The following BRME1 variants were observed in gnomAD, a reference collection of about 807,000 sequenced individuals.
BRME1 encodes the protein break repair meiotic recombinase recruitment factor 1.
Under a neutral mutation model 52.6 loss-of-function variants are expected in BRME1, and 31 were observed. The ratio of observed to expected loss-of-function variants is 0.59; its 90% CI spans 0.44 to 0.80. The LOEUF is 0.80. Ranked by LOEUF, BRME1 falls within the 30% of genes least tolerant of loss-of-function variation. The pLI is 0.00. For synonymous variants in BRME1, 359 were observed against 353.6 expected (o/e 1.02, Z -0.17); for missense variants, 804 against 860.3 (o/e 0.93, Z 0.82).
chr19:13,891,246 T>A (rs1263361299), intron 5 of BRME1, among the ~76,000 whole-genome samples: 1 of 150,382 alleles, frequency 6.6e-6, no homozygotes, highest in South Asian at 2.1e-4. Context: ...ACCTCCCGGG[T>A]TCACGCAATT....
chr19:13,886,796 C>CAA (rs61412091), intron 6 of BRME1, among the ~76,000 whole-genome samples: 32,230 of 84,762 alleles, frequency 0.38, 6,048 homozygotes, highest in African/African-American at 0.56. Flanking sequence ...CCTGTCTGTA[C>CAA]AAAAAAAAAA....
chr19:13,885,976 G>A lies in BRME1; in HGVS notation c.1748C>T (p.Ala583Val). The A allele has an allele frequency of 6.2e-7, 1 of 1,613,924 alleles. No homozygotes were observed. The highest frequency in any genetic ancestry group is 8.5e-7 in the Non-Finnish European group (1 of 1,179,986). The part of the protein sequence containing the change: ...SHANGDPVAV[A>V]KAQPRTFVGI... ...CCACACCTACCTCGGCTGGGCCTTGGCCACTGCAACAGGGTCTCCATTGGC... is the reference window on the plus strand; with the variant it reads ...CCACACCTACCTCGGCTGGGCCTTGACCACTGCAACAGGGTCTCCATTGGC... Residue 583 changes from alanine (A) to valine (V), a missense_variant, in exon 7 of 9, where the codon GCC becomes GTC. Physicochemically the swap from Ala to Val is moderately conservative, Grantham distance 64. Around this residue, in one of 3 missense-constraint regions of BRME1, gnomAD observed 552 missense variants for 561.1 expected, o/e 0.98. Transcript: ENST00000586783.
rs1969169884 is a variant in BRME1 at position 13,888,086 on chromosome 19, A to G, written c.1668+1102T>C. ...ATTAGAGGCACACGCCACCATGCCCAGCTAATTTTTGTATTTTGGTAGAGA... is the reference window on the plus strand; with the variant it reads ...ATTAGAGGCACACGCCACCATGCCCGGCTAATTTTTGTATTTTGGTAGAGA... On this transcript the variant is annotated intron_variant, in intron 6 of 8. Coordinates refer to ENST00000586783, the MANE Select transcript of BRME1 (RefSeq NM_001345843.2). The surrounding 1 kb of genome is among the most constrained non-coding windows in gnomAD (Gnocchi z 4.1). Among the ~76,000 whole-genome samples, 1 of 152,004 alleles carries G rather than the reference A, an allele frequency of 6.6e-6. No individual in the cohort carries two copies. Among genetic ancestry groups the G allele is most frequent in the Non-Finnish European group, 1.5e-5 (1 of 68,006 alleles).
At chr19:13,889,121 G>A (rs1327448262) in intron 6 of BRME1, 67 bp downstream of exon 6, 7 of 1,417,590 alleles carry the variant, frequency 4.9e-6, no homozygotes, top group East Asian at 2.3e-5. Flanking sequence ...ACCGAGTGAG[G>A]AGGGGGCTTG....
At chr19:13,895,850 C>A (rs369821742) in intron 2 of BRME1, among the ~76,000 whole-genome samples, 2 of 152,198 alleles carry the variant, frequency 1.3e-5, no homozygotes, top group African/African-American at 4.8e-5. Context: ...TCACAGCCAC[C>A]GGGTGCTGAA....
At chr19:13,903,394 C>T (rs1309777600) in intron 2 of BRME1, among the ~76,000 whole-genome samples, 2 of 151,950 alleles carry the variant, frequency 1.3e-5, no homozygotes, top group Non-Finnish European at 2.9e-5. Flanking sequence ...GTCTCTAGGC[C>T]GGGCACGGTG....
Position 13,889,761 on chromosome 19 carries a change from G to A in BRME1, c.1095C>T (p.Ala365=). ...EVAGPDGQAS[A]ISPASPRRKA... ...TCCTCCTGGGAGAGGCAGGTGATATGGCACTGGCCTGCCCATCGGGCCCAG... is the reference window on the plus strand; with the variant it reads ...TCCTCCTGGGAGAGGCAGGTGATATAGCACTGGCCTGCCCATCGGGCCCAG... The change falls in exon 6 of 9, where the codon GCC becomes GCT. Residue 365 remains alanine (A), a synonymous_variant. Coordinates refer to ENST00000586783, the MANE Select transcript of BRME1 (RefSeq NM_001345843.2). 1.2e-6 allele frequency: 2 copies of A among 1,610,772 alleles called. No individual in the cohort carries two copies. Among genetic ancestry groups the A allele is most frequent in the Non-Finnish European group, 8.5e-7 (1 of 1,179,348 alleles).
At chr19:13,901,371 T>C (rs965218096) in intron 2 of BRME1, among the ~76,000 whole-genome samples, 13 of 151,800 alleles carry the variant, frequency 8.6e-5, no homozygotes, top group African/African-American at 2.9e-4. Context: ...AAAATGGAGG[T>C]TGCAGATCAG....
chr19:13,882,847 C>T lies in BRME1; in HGVS notation c.1962G>A (p.Gly654=). The change falls in exon 9 of 9, where the codon GGG becomes GGA. Residue 654 remains glycine, a synonymous_variant. Transcript: ENST00000586783. ...GKAPLPYPSK[G]PGNIPRGDPP... ...GGTCCCCTCGAGGGATATTCCCAGG[C>T]CCCTTGGAAGGGTAAGGCAGGGGGG... is the stretch of plus-strand genomic sequence containing the variant. 2 of 1,614,070 alleles carry T rather than the reference C, an allele frequency of 1.2e-6. No homozygotes were observed. Among genetic ancestry groups the T allele is most frequent in the Non-Finnish European group, 1.7e-6 (2 of 1,180,006 alleles).
chr19:13,904,387 G>GT (rs1970506420), intron 2 of BRME1, among the ~76,000 whole-genome samples: 1 of 152,046 alleles, frequency 6.6e-6, no homozygotes. Context: ...GATTACAGGC[G>GT]TGAGCCACCA....
intron 6 of BRME1, among the ~76,000 whole-genome samples, chr19:13,887,733 G>A (rs1240359210): frequency 1.3e-5 from 2 of 151,290 alleles, no homozygotes; most frequent in Non-Finnish European, 2.9e-5. Flanking sequence ...CCACATGCTC[G>A]TGTTCAGCCT....
chr19:13,882,750 G>C lies in BRME1; in HGVS notation c.*52C>G, dbSNP rs1199985104. On this transcript the variant is annotated 3_prime_UTR_variant, in exon 9 of 9. Coordinates refer to ENST00000586783, the MANE Select transcript of BRME1 (RefSeq NM_001345843.2). ...GACCCCCTGGAGCATCTTGGAGGAG[G>C]TCTGCGGACATGGGGGCTGGGTGGC... 1 of 1,608,520 alleles carries C rather than the reference G, an allele frequency of 6.2e-7. No homozygotes were observed. Among genetic ancestry groups the C allele is most frequent in the African/African-American group, 1.3e-5 (1 of 74,494 alleles).
intron 3 of BRME1, among the ~76,000 whole-genome samples, chr19:13,894,251 G>A (rs562223467): frequency 6.6e-5 from 10 of 152,262 alleles, no homozygotes; most frequent in South Asian, 4.1e-4. Flanking sequence ...AGGGCCAGGC[G>A]TGGTGGCTCA....
At chr19:13,896,614 A>G (rs1969917048) in intron 2 of BRME1, among the ~76,000 whole-genome samples, 1 of 144,752 alleles carries the variant, frequency 6.9e-6, no homozygotes, top group South Asian at 2.1e-4. Flanking sequence ...ATATTTATAC[A>G]TATGTATTTA....
chr19:13,890,636 G>A (rs988245522), intron 5 of BRME1, among the ~76,000 whole-genome samples, 174 bp from the exon 6 acceptor site: 2 of 152,154 alleles, frequency 1.3e-5, no homozygotes, highest in African/African-American at 2.4e-5. Flanking sequence ...AGGCCGAGGT[G>A]GGCGGATCAC....
rs1050576968 is a variant in BRME1, at chr19:13,903,530, G to A, written c.31+1332C>T. 5.9e-5 allele frequency among the ~76,000 whole-genome samples: 9 copies of A among 151,916 alleles called. 1 individual carries two copies. The highest frequency in any genetic ancestry group is 4.2e-4 in the South Asian group (2 of 4,816). ...CCTACTAAAAATACAAAAATTAGGC[G>A]GGCGTGGTGGTGCACATCTGTAGTC... On this transcript the variant is annotated intron_variant, in intron 2 of 8. Coordinates refer to ENST00000586783, the MANE Select transcript of BRME1 (RefSeq NM_001345843.2).
rs1030598281 is a variant in BRME1 at position 13,890,099 on chromosome 19, G to C, written c.757C>G (p.Gln253Glu). 4 of 1,613,948 alleles carry C rather than the reference G, an allele frequency of 2.5e-6. No homozygotes were observed. The African/African-American group carries it at 5.3e-5, about 22-fold the overall frequency. Reference protein sequence around the residue: ...EGEKPDRGAPQEGGAQRTAGA... With the variant: ...EGEKPDRGAPEEGGAQRTAGA... Reference sequence around the variant, plus strand: ...GCTGTCCTTTGGGCCCCTCCCTCCTGGGGGGCTCCTCTGTCTGGCTTCTCC... The same window carrying C: ...GCTGTCCTTTGGGCCCCTCCCTCCTCGGGGGCTCCTCTGTCTGGCTTCTCC... Residue 253 changes from glutamine to glutamate, a missense_variant, in exon 6 of 9, where the codon CAG becomes GAG. By Grantham distance (29) the Gln-to-Glu change is conservative. This residue lies in a region of BRME1 where 552 missense variants were observed against 561.1 expected (regional missense o/e 0.98). Coordinates refer to ENST00000586783, the MANE Select transcript of BRME1 (RefSeq NM_001345843.2).
intron 2 of BRME1, among the ~76,000 whole-genome samples, chr19:13,901,495 T>TA (rs1257851150): frequency 1.3e-5 from 2 of 151,510 alleles, no homozygotes; most frequent in Non-Finnish European, 2.9e-5. Context: ...AGTCAGGAGT[T>TA]AGAGAGCAGC....
chr19:13,895,717 C>A (rs1969844336), intron 2 of BRME1, among the ~76,000 whole-genome samples, 171 bp from the exon 3 acceptor site: 1 of 152,168 alleles, frequency 6.6e-6, no homozygotes, highest in South Asian at 2.1e-4. Flanking sequence ...ACTGTTGGTG[C>A]TCAATAAATA....
Sources: allele counts gnomAD v4.1 joint callset (sites outside exome capture counted in the v4.1 genomes callset), GRCh38; gene constraint gnomAD v4.1.1; regional missense constraint gnomAD v4.1.1; non-coding constraint Gnocchi (gnomAD v3.1); transcripts MANE v1.5; gene names NCBI Gene and HGNC (gene_info 2026-07-23, HGNC 2026-07-21).